The following ERCC2 variants were observed in gnomAD, a reference collection of about 807,000 sequenced individuals.
ERCC2 encodes general transcription and DNA repair factor IIH helicase subunit XPD.
In ERCC2, 90 loss-of-function variants were observed where a neutral mutation model predicts 99.4. The ratio of observed to expected loss-of-function variants is 0.91; its 90% CI spans 0.76 to 1.08. ERCC2 has a LOEUF of 1.08. Ranked by LOEUF, ERCC2 falls within the 50% of genes least tolerant of loss-of-function variation. The pLI, the probability that ERCC2 is intolerant of heterozygous loss-of-function variation, is 0.00. For missense variants in ERCC2, 993 were observed against 1,038.1 expected, an observed-to-expected ratio of 0.96 and a Z score of 0.60; for synonymous variants, 497 against 432.4, an observed-to-expected ratio of 1.15 and a Z score of -1.85.
intron 16 of ERCC2, among the ~76,000 whole-genome samples, chr19:45,355,334 G>A (rs1002061690): frequency 1.5e-5 from 2 of 134,018 alleles, no homozygotes; most frequent in Admixed American, 1.4e-4. Flanking sequence ...TCCAGCCTAG[G>A]CAACAGAGCA....
Position 45,351,701 on chromosome 19 carries a change from G to C in ERCC2, c.2211C>G (p.Ser737=), listed in dbSNP as rs1971787513. 4.3e-6 allele frequency: 7 copies of C among 1,613,892 alleles called. No individual in the cohort carries two copies. The East Asian group carries it at 1.6e-4, about 36-fold the overall frequency. Residue 737 remains serine (S), a synonymous_variant, in exon 23 of 23, where the codon TCC becomes TCG. Coordinates refer to ENST00000391945, the MANE Select transcript of ERCC2 (RefSeq NM_000400.4). ...ATTCTAGCTGCTCCAGGCTGAGCAG[G>C]GACAGGCCCAGCTGATCCTCCTGCA... ...PFHREDQLGL[S]LLSLEQLESE...
At chr19:45,359,782 T>C (rs181533472) in intron 12 of ERCC2, among the ~76,000 whole-genome samples, 26 of 143,226 alleles carry the variant, frequency 1.8e-4, no homozygotes, top group Middle Eastern at 7.4e-3. Context: ...GAAGAACTCT[T>C]TTTTTTTTTT....
intron 15 of ERCC2, among the ~76,000 whole-genome samples, chr19:45,356,945 C>T (rs796731257): frequency 3.3e-5 from 5 of 152,244 alleles, no homozygotes; most frequent in Admixed American, 3.3e-4. Context: ...ACCACGTACT[C>T]GGCAAGATGC....
At chr19:45,352,124 G>C (rs1971820860) in intron 22 of ERCC2, 85 bp downstream of exon 22, 1 of 1,451,926 alleles carries the variant, frequency 6.9e-7, no homozygotes, top group African/African-American at 1.4e-5. Flanking sequence ...GCAGGCTGAG[G>C]GTGGGGAGTG....
At position 45,364,561 on chromosome 19, in the gene ERCC2, G is replaced by C; in HGVS notation, c.595-14C>G. On this transcript the variant is annotated splice_polypyrimidine_tract_variant and intron_variant, in intron 7 of 22. Coordinates refer to ENST00000391945, the MANE Select transcript of ERCC2 (RefSeq NM_000400.4). ...GGCATGCAGGATCTGGGGGGCCGGG[G>C]AGCAGGGTTACCAGGGCCCTGCCAC... 1 of 1,611,914 alleles carries C rather than the reference G, an allele frequency of 6.2e-7. No homozygotes were observed. Among genetic ancestry groups the C allele is most frequent in the Non-Finnish European group, 8.5e-7 (1 of 1,179,950 alleles).
rs773883702 is a variant in ERCC2 at position 45,350,682 on chromosome 19, T to TATCA, written c.*943_*946dup. ...GCTCACTCTCCAAGATCCGTGAGTC[T>TATCA]ATCAGGCGAGGAAGTGAGAAGCTGG... On this transcript the variant is annotated 3_prime_UTR_variant, in exon 23 of 23. Coordinates refer to ENST00000391945, the MANE Select transcript of ERCC2 (RefSeq NM_000400.4). The TATCA allele has an allele frequency of 4.0e-5, 65 of 1,613,774 alleles. No individual in the cohort carries two copies. The highest frequency in any genetic ancestry group is 4.0e-4 in the East Asian group (18 of 44,840).
chr19:45,357,651 G>A lies in ERCC2; in HGVS notation c.1286C>T (p.Ala429Val), dbSNP rs758816422. 6.2e-7 allele frequency: 1 copy of A among 1,614,098 alleles called. No homozygotes were observed. The highest frequency in any genetic ancestry group is 2.2e-5 in the East Asian group (1 of 44,886). ...CCACCTGAAGTGCAGGATGGGGTTG[G>A]CAATGGTCGGGGTTCTGTCGTCAAA... is the stretch of plus-strand genomic sequence containing the variant. Reference protein sequence around the residue: ...EPFDDRTPTIANPILHFSCMD... With the variant: ...EPFDDRTPTIVNPILHFSCMD... Residue 429 changes from alanine (A) to valine (V), a missense_variant, in exon 13 of 23, where the codon GCC (alanine) becomes GTC (valine). Physicochemically the swap from Ala to Val is moderately conservative, Grantham distance 64. This residue lies in a region of ERCC2 where 909 missense variants were observed against 930.8 expected (regional missense o/e 0.98). Transcript: ENST00000391945.
chr19:45,364,489 G>A lies in ERCC2; in HGVS notation c.653C>T (p.Ala218Val), dbSNP rs939705286. ...GGCCAGTTCCTTGGACACCAGGTCT[G>A]CAATCTTGGGGTCCAGGAGGTAGTG... is the stretch of plus-strand genomic sequence containing the variant. ...SYHYLLDPKI[A>V]DLVSKELARK... Residue 218 changes from alanine (A) to valine (V), a missense_variant, in exon 8 of 23, where the codon GCA becomes GTA. Physicochemically the swap from Ala to Val is moderately conservative, Grantham distance 64 (BLOSUM62 0). Transcript: ENST00000391945. 1 of 1,613,828 alleles carries A rather than the reference G, an allele frequency of 6.2e-7. No individual in the cohort carries two copies. The highest frequency in any genetic ancestry group is 1.3e-5 in the African/African-American group (1 of 74,914).
Position 45,370,206 on chromosome 19 carries a change from T to C in ERCC2, c.32A>G (p.Tyr11Cys), listed in dbSNP as rs748033766. 2 of 1,613,264 alleles carry C rather than the reference T, an allele frequency of 1.2e-6. No individual in the cohort carries two copies. Among genetic ancestry groups the C allele is most frequent in the East Asian group, 2.2e-5 (1 of 44,848 alleles). MKLNVDGLLVYFPYDYIYPEQ... is the reference protein window; with the variant it reads MKLNVDGLLVCFPYDYIYPEQ... Reference sequence around the variant, plus strand: ...GGGGTAGATGTAGTCGTACGGGAAGTAGACCAGGAGCCCGTCCACGTTGAG... The same window carrying C: ...GGGGTAGATGTAGTCGTACGGGAAGCAGACCAGGAGCCCGTCCACGTTGAG... Residue 11 changes from tyrosine to cysteine, a missense_variant, in exon 2 of 23, where the codon TAC becomes TGC. Transcript: ENST00000391945.
At position 45,357,437 on chromosome 19, in the gene ERCC2, G is replaced by A. The variant is rs370767820; in HGVS notation, c.1377+37C>T. On this transcript the variant is annotated intron_variant, in intron 14 of 22. Transcript: ENST00000391945. ...AGGGACCAGGAGGCCCATGGAGGGAGGTCAGGGACTAGGAGGGGACGGGGA... is the reference window on the plus strand; with the variant it reads ...AGGGACCAGGAGGCCCATGGAGGGAAGTCAGGGACTAGGAGGGGACGGGGA... The A allele has an allele frequency of 1.7e-5, 27 of 1,610,900 alleles. No individual in the cohort carries two copies. The Middle Eastern group carries it at 6.6e-4, about 39-fold the overall frequency.
intron 12 of ERCC2, among the ~76,000 whole-genome samples, chr19:45,361,155 T>C (rs1448650151): frequency 6.7e-6 from 1 of 149,210 alleles, no homozygotes; most frequent in Non-Finnish European, 1.5e-5. Flanking sequence ...AGCACAAATC[T>C]GACCTGGCAC....
At position 45,365,114 on chromosome 19, in the gene ERCC2, G is replaced by C; in HGVS notation, c.405C>G (p.His135Gln). ...CCCGCACATAGGAGGCTGTGAGGCT[G>C]TGGCATTTCCCATCGACGTCCTTCC... ...RFGKDVDGKC[H>Q]SLTASYVRAQ... The change falls in exon 6 of 23, where the codon CAC (histidine) becomes CAG (glutamine). Residue 135 changes from histidine to glutamine, a missense_variant. His to Gln is a conservative substitution (Grantham distance 24). Transcript: ENST00000391945. The C allele has an allele frequency of 6.2e-7, 1 of 1,614,210 alleles. No homozygotes were observed. Among genetic ancestry groups the C allele is most frequent in the Non-Finnish European group, 8.5e-7 (1 of 1,180,032 alleles).
chr19:45,349,856 T>C lies in ERCC2; in HGVS notation c.*1773A>G, dbSNP rs1199957681. The C allele has an allele frequency of 3.9e-6, 2 of 514,812 alleles. No homozygotes were observed. Among genetic ancestry groups the C allele is most frequent in the South Asian group, 2.8e-5 (1 of 36,072 alleles). 31.9% of individuals were successfully genotyped at this position (514,812 alleles called of 1,614,324 possible). ...CACAGGTGGCAGCAGCAGACATTTA[T>C]TGAGCTCACTGTGGCCGGCTCCCCT... On this transcript the variant is annotated 3_prime_UTR_variant, in exon 23 of 23. Transcript: ENST00000391945.
chr19:45,357,272 T>C lies in ERCC2; in HGVS notation c.1477A>G (p.Met493Val), dbSNP rs769095908. Residue 493 changes from methionine (M) to valine (V), a missense_variant and splice_region_variant, in exon 15 of 23, where the codon ATG (methionine) becomes GTG (valine). Around this residue, in one of 3 missense-constraint regions of ERCC2, gnomAD observed 909 missense variants for 930.8 expected, o/e 0.98. Transcript: ENST00000391945. ...MTLARVCLCPMIIGRGNDQVA... is the reference protein window; with the variant it reads ...MTLARVCLCPVIIGRGNDQVA... The stretch of plus-strand genomic sequence containing the variant: ...CAGCCCTAGCCTCTCCCACTCACCA[T>C]AGGGCAGAGGCAGACCCGTGCCAGC... 4.8e-5 allele frequency: 77 copies of C among 1,609,776 alleles called. No individual in the cohort carries two copies. The highest frequency in any genetic ancestry group is 4.7e-4 in the South Asian group (43 of 90,930).
chr19:45,353,220 C>T (rs769296226), intron 18 of ERCC2, 22 bp downstream of exon 18: 3 of 1,612,950 alleles, frequency 1.9e-6, no homozygotes, highest in African/African-American at 1.3e-5. Context: ...GACCCCTCTC[C>T]ACGCTGGCCT....
At chr19:45,367,917 A>T (rs1207427738) in intron 5 of ERCC2, among the ~76,000 whole-genome samples, 1 of 149,184 alleles carries the variant, frequency 6.7e-6, no homozygotes, top group African/African-American at 2.5e-5. Context: ...TTTTTTTTTA[A>T]GACAGAGTCT....
rs1873186924 is a variant in ERCC2, at chr19:45,357,614, C to T, written c.1307+16G>A. ...GACCCACAGAGCATTCACACCCTCA[C>T]CGGGCAGGGTCCCACCTGAAGTGCA... On this transcript the variant is annotated intron_variant, in intron 13 of 22. Transcript: ENST00000391945. The T allele has an allele frequency of 1.2e-6, 2 of 1,613,974 alleles. No individual in the cohort carries two copies. Among genetic ancestry groups the T allele is most frequent in the African/African-American group, 1.3e-5 (1 of 74,926 alleles).
intron 17 of ERCC2, among the ~76,000 whole-genome samples, chr19:45,354,286 GA>G (rs1451515273): frequency 6.6e-6 from 1 of 152,214 alleles, no homozygotes; most frequent in East Asian, 1.9e-4. Flanking sequence ...CTGCTTCCCT[GA>G]AGGGGCTCCT....
In ERCC2 at chr19:45,350,446, CCTGT is replaced by C. The variant is rs774408586; in HGVS notation, c.*1179_*1182del. ...CGCCCCTCTCGGTGAGCCCCTAGCC[CCTGT>C]CTGTCTTCCCTCCTGGTGGCTTCTC... On this transcript the variant is annotated 3_prime_UTR_variant, in exon 23 of 23. Transcript: ENST00000391945. The C allele has an allele frequency of 3.3e-5, 53 of 1,613,202 alleles. No homozygotes were observed. The highest frequency in any genetic ancestry group is 5.0e-5 in the Admixed American group (3 of 59,944).
Sources: gnomAD v4.1 joint callset for allele counts (sites outside exome capture counted in the v4.1 genomes callset) on GRCh38, gnomAD v4.1.1 for gene constraint, gnomAD v4.1.1 regional missense constraint, MANE v1.5 for transcripts, NCBI Gene and HGNC (gene_info 2026-07-23, HGNC 2026-07-21) for gene names.